GPHN: variants seen among roughly 807,000 people sequenced by gnomAD.
GPHN encodes gephyrin.
Under a neutral mutation model 95.5 loss-of-function variants are expected in GPHN, and 17 were observed. That is an observed-to-expected ratio of 0.18 (90% CI 0.12 to 0.27). The LOEUF (loss-of-function observed/expected upper bound fraction) is 0.27, where lower values mean the gene tolerates loss of function less well. GPHN is among the 10% of genes least tolerant of loss of function. The pLI is 1.00. For synonymous variants in GPHN, 320 were observed against 322.5 expected, an observed-to-expected ratio of 0.99 and a Z score of 0.08; for missense variants, 660 against 978.1, an observed-to-expected ratio of 0.67 and a Z score of 4.34.
At chr14:67,025,499 A>C (rs1195265667) in intron 10 of GPHN, among the ~76,000 whole-genome samples, 1 of 152,136 alleles carries the variant, frequency 6.6e-6, no homozygotes, top group East Asian at 1.9e-4. Context: ...TATAATAGGC[A>C]CCCTGAGGAA....
At chr14:67,025,128 C>T (rs1269144215) in intron 10 of GPHN, among the ~76,000 whole-genome samples, 1 of 152,086 alleles carries the variant, frequency 6.6e-6, no homozygotes, top group Non-Finnish European at 1.5e-5. Flanking sequence ...TCCCTAGTTG[C>T]CAACTTTATT....
chr14:66,716,106 G>C (rs1595667377), intron 2 of GPHN, among the ~76,000 whole-genome samples: 1 of 152,076 alleles, frequency 6.6e-6, no homozygotes, highest in African/African-American at 2.4e-5. Flanking sequence ...GAGTATTAAA[G>C]TTCCCCACTA....
In GPHN at chr14:67,078,058, A is replaced by G. The variant is rs536531880; in HGVS notation, c.1145-10925A>G. 2.4e-3 allele frequency among the ~76,000 whole-genome samples: 361 copies of G among 152,292 alleles called. 3 individuals carry two copies. The highest frequency in any genetic ancestry group is 8.2e-3 in the African/African-American group (340 of 41,564). On this transcript the variant is annotated intron_variant, in intron 11 of 22. Coordinates refer to ENST00000478722, the MANE Select transcript of GPHN (RefSeq NM_020806.5). ...TATTTTACAGAATTTATGCAATACA[A>G]TATGTGGAAGAAAGTAGAACAGAAT...
intron 4 of GPHN, among the ~76,000 whole-genome samples, chr14:66,877,246 A>G (rs1293393437): frequency 6.6e-6 from 1 of 152,204 alleles, no homozygotes; most frequent in Non-Finnish European, 1.5e-5. Context: ...TCAAAATAAT[A>G]AGAGCTATTT....
chr14:67,336,829 C>A, the GPHN span: 6 of 453,422 alleles, frequency 1.3e-5, no homozygotes, highest in Non-Finnish European at 2.7e-5. Context: ...TGAATTTACA[C>A]TGAACCTAAG....
chr14:67,501,289 C>G, the GPHN span, among the ~76,000 whole-genome samples: 13,000 of 152,090 alleles, frequency 0.085, 590 homozygotes, highest in African/African-American at 0.11. Context: ...TGAGACAAGA[C>G]ATGCACTCAG....
chr14:66,742,842 A>G (rs374167944), intron 2 of GPHN, among the ~76,000 whole-genome samples: 2 of 152,132 alleles, frequency 1.3e-5, no homozygotes, highest in East Asian at 3.9e-4. Context: ...GCTTACTGCA[A>G]GCCCGGCCTT....
At chr14:66,776,555 T>A (rs775581231) in intron 3 of GPHN, 34 bp downstream of exon 3, 8 of 1,253,028 alleles carry the variant, frequency 6.4e-6, no homozygotes, top group Non-Finnish European at 9.4e-6. Flanking sequence ...CTACAAACAT[T>A]TAGCATCTTG....
chr14:66,710,466 A>G (rs1239230236), intron 2 of GPHN, among the ~76,000 whole-genome samples: 1 of 152,198 alleles, frequency 6.6e-6, no homozygotes, highest in Non-Finnish European at 1.5e-5. Flanking sequence ...TTTCACATAC[A>G]TGTGAATATG....
chr14:67,294,739 CT>C, the GPHN span: 1 of 152,020 alleles, frequency 6.6e-6, no homozygotes, highest in East Asian at 1.9e-4. Flanking sequence ...GTGGCACGAT[CT>C]CAGCTCACTG....
the GPHN span, chr14:67,352,777 A>G: frequency 1.7e-6 from 1 of 599,046 alleles, no homozygotes; most frequent in African/African-American, 1.9e-5. Flanking sequence ...GAACTATTTG[A>G]TATTTGACAC....
intron 4 of GPHN, among the ~76,000 whole-genome samples, chr14:66,844,275 A>T (rs1366467929): frequency 2.0e-5 from 3 of 152,096 alleles, no homozygotes; most frequent in African/African-American, 7.2e-5. Context: ...ATATTTTCTC[A>T]TTATTGTATT....
chr14:66,824,442 C>A, intron 3 of GPHN, 32 bp from the exon 4 acceptor site: 2 of 1,176,590 alleles, frequency 1.7e-6, no homozygotes, highest in Non-Finnish European at 2.6e-6. Context: ...GCAAATTTTT[C>A]TGCACATGAC....
intron 9 of GPHN, among the ~76,000 whole-genome samples, chr14:66,976,412 A>C (rs1381057475): frequency 6.6e-6 from 1 of 152,196 alleles, no homozygotes; most frequent in African/African-American, 2.4e-5. Context: ...CCGTCCTATC[A>C]TTATTTCAGC....
the GPHN span, among the ~76,000 whole-genome samples, chr14:67,453,278 C>T: frequency 6.6e-6 from 1 of 152,204 alleles, no homozygotes; most frequent in Admixed American, 6.5e-5. Context: ...TGCCCCTCTT[C>T]CTGGCTTCAG....
chr14:66,921,603 T>C (rs961478984), intron 6 of GPHN, among the ~76,000 whole-genome samples: 9 of 152,156 alleles, frequency 5.9e-5, no homozygotes, highest in Non-Finnish European at 8.8e-5. Context: ...CACGGATTAG[T>C]AGAATCAATA....
At chr14:67,692,333 AT>A in the GPHN span, 1 of 1,263,256 alleles carries the variant, frequency 7.9e-7, no homozygotes, top group Admixed American at 2.3e-5. Flanking sequence ...TTTTGGCTAT[AT>A]TTTATCCACC....
intron 11 of GPHN, among the ~76,000 whole-genome samples, chr14:67,081,058 CT>C (rs1329497380): frequency 6.6e-6 from 1 of 152,162 alleles, no homozygotes; most frequent in Non-Finnish European, 1.5e-5. Context: ...GCAAATTGTG[CT>C]GCTATAAACA....
At chr14:66,873,266 C>G (rs1247265479) in intron 4 of GPHN, among the ~76,000 whole-genome samples, 2 of 152,296 alleles carry the variant, frequency 1.3e-5, no homozygotes, top group Admixed American at 6.5e-5. Flanking sequence ...CTTTGCAAAC[C>G]GCAGACCAGG....
Sources: gnomAD v4.1 joint callset for allele counts (sites outside exome capture counted in the v4.1 genomes callset) on GRCh38, gnomAD v4.1.1 for gene constraint, MANE v1.5 for transcripts, NCBI Gene and HGNC (gene_info 2026-07-23, HGNC 2026-07-21) for gene names.